GRID2: variants seen among roughly 807,000 people sequenced by gnomAD.
The protein encoded by GRID2 is glutamate ionotropic receptor delta type subunit 2, also known as glutamate receptor ionotropic, delta-2.
A neutral mutation model predicts 114.8 loss-of-function variants in GRID2; 33 were observed. The ratio of observed to expected loss-of-function variants is 0.29; its 90% CI spans 0.22 to 0.38. The LOEUF is 0.38. GRID2 is among the 10% of genes least tolerant of loss of function. GRID2 has a pLI of 1.00. For synonymous variants in GRID2, 505 were observed against 449.9 expected (o/e 1.12, Z -1.55); for missense variants, 1,184 against 1,257.7 (o/e 0.94, Z 0.89).
chr4:92,315,993 C>CAAAAAAAAAAAAAAAAAAAAAAAAAAG (rs778361565), intron 1 of GRID2, among the ~76,000 whole-genome samples: 1 of 61,914 alleles, frequency 1.6e-5, no homozygotes, highest in South Asian at 6.6e-4. Flanking sequence ...AAACAAAAAG[C>CAAAAAAAAAAAAAAAAAAAAAAAAAAG]AAAAAAAAAA....
chr4:92,936,025 TAAAGTA>T (rs1033785027), intron 2 of GRID2, among the ~76,000 whole-genome samples: 55 of 146,596 alleles, frequency 3.8e-4, no homozygotes, highest in African/African-American at 1.3e-3. Context: ...CCCTAAAACT[TAAAGTA>T]TAATAATAAT....
chr4:93,033,750 G>A (rs1724659824), intron 2 of GRID2, among the ~76,000 whole-genome samples: 1 of 151,940 alleles, frequency 6.6e-6, no homozygotes, highest in Non-Finnish European at 1.5e-5. Flanking sequence ...CATTTGAAGA[G>A]GTCTGTTTGT....
At chr4:93,522,087 A>G (rs890646354) in intron 13 of GRID2, among the ~76,000 whole-genome samples, 1 of 152,154 alleles carries the variant, frequency 6.6e-6, no homozygotes, top group African/African-American at 2.4e-5. Flanking sequence ...TGATTAGGAG[A>G]TAAGTTATGG....
chr4:93,612,164 G>C (rs1415019564), intron 13 of GRID2, among the ~76,000 whole-genome samples: 6 of 151,314 alleles, frequency 4.0e-5, no homozygotes, highest in Non-Finnish European at 8.8e-5. Flanking sequence ...CATTGGTTTG[G>C]TAGATCTTCC....
At chr4:92,760,945 T>C (rs999124133) in intron 2 of GRID2, among the ~76,000 whole-genome samples, 1 of 152,136 alleles carries the variant, frequency 6.6e-6, no homozygotes, top group Admixed American at 6.5e-5. Context: ...TATGATGTAA[T>C]AGCCTTTAAG....
intron 14 of GRID2, among the ~76,000 whole-genome samples, chr4:93,629,299 G>T (rs1435479): frequency 0.27 from 41,339 of 151,854 alleles, 6,026 homozygotes; most frequent in East Asian, 0.59. Flanking sequence ...AGTTTAAATT[G>T]TTTCTTTCTG....
chr4:93,045,023 G>T (rs1725992780), intron 2 of GRID2, among the ~76,000 whole-genome samples: 1 of 152,078 alleles, frequency 6.6e-6, no homozygotes, highest in Non-Finnish European at 1.5e-5. Context: ...ACTGTTTCTT[G>T]CATCTAGCTC....
chr4:92,840,264 C>T (rs1377010240), intron 2 of GRID2, among the ~76,000 whole-genome samples: 2 of 151,762 alleles, frequency 1.3e-5, no homozygotes, highest in Non-Finnish European at 2.9e-5. Flanking sequence ...CTTGTTTTTT[C>T]ATCCATTCAA....
At chr4:93,152,743 G>C (rs1450390427) in intron 4 of GRID2, among the ~76,000 whole-genome samples, 1 of 152,068 alleles carries the variant, frequency 6.6e-6, no homozygotes, top group Admixed American at 6.6e-5. Context: ...CAGTAATAAA[G>C]TCTAATCAGA....
At chr4:93,172,455 G>C (rs1424022160) in intron 4 of GRID2, among the ~76,000 whole-genome samples, 1 of 152,012 alleles carries the variant, frequency 6.6e-6, no homozygotes, top group African/African-American at 2.4e-5. Flanking sequence ...AGCCAAGCAT[G>C]GTGGCACGTG....
chr4:93,442,343 T>C (rs1186311239), intron 10 of GRID2, among the ~76,000 whole-genome samples: 3 of 152,042 alleles, frequency 2.0e-5, no homozygotes, highest in Non-Finnish European at 4.4e-5. Flanking sequence ...AAGAAGTCTC[T>C]ACATGACTGG....
chr4:93,351,885 A>T (rs931854643), intron 8 of GRID2, among the ~76,000 whole-genome samples: 12 of 152,046 alleles, frequency 7.9e-5, no homozygotes, highest in African/African-American at 2.9e-4. Context: ...CAAACATGAT[A>T]TAAGCTCCTT....
chr4:93,051,717 T>C (rs999679912), intron 2 of GRID2, among the ~76,000 whole-genome samples: 3 of 151,998 alleles, frequency 2.0e-5, no homozygotes, highest in Admixed American at 6.6e-5. Context: ...AGATCACTAA[T>C]TGATTGAAGT....
intron 1 of GRID2, among the ~76,000 whole-genome samples, chr4:92,426,631 C>T (rs1166518663): frequency 6.6e-6 from 1 of 152,076 alleles, no homozygotes; most frequent in African/African-American, 2.4e-5. Flanking sequence ...TGAAATGCTT[C>T]CCCTTTGGAA....
At chr4:93,284,338 C>T (rs1200411277) in intron 8 of GRID2, among the ~76,000 whole-genome samples, 2 of 151,926 alleles carry the variant, frequency 1.3e-5, no homozygotes, top group African/African-American at 4.8e-5. Flanking sequence ...GATCAACACA[C>T]ATTGGGGCAC....
At chr4:93,095,163 A>C (rs1731092883) in intron 3 of GRID2, among the ~76,000 whole-genome samples, 1 of 151,990 alleles carries the variant, frequency 6.6e-6, no homozygotes, top group Non-Finnish European at 1.5e-5. Flanking sequence ...TCTGGGACAC[A>C]TGTGCAGAAT....
intron 2 of GRID2, among the ~76,000 whole-genome samples, chr4:92,672,049 A>C (rs552114176): frequency 6.6e-6 from 1 of 152,268 alleles, no homozygotes; most frequent in African/African-American, 2.4e-5. Context: ...TTTATTATTT[A>C]AACTTTTTAA....
intron 2 of GRID2, among the ~76,000 whole-genome samples, chr4:92,602,844 A>G (rs190065671): frequency 1.3e-5 from 2 of 152,340 alleles, no homozygotes; most frequent in African/African-American, 4.8e-5. Context: ...CTAATAAGCA[A>G]CTTCAACAAT....
At chr4:93,688,377 C>G (rs558596829) in intron 14 of GRID2, among the ~76,000 whole-genome samples, 1 of 151,910 alleles carries the variant, frequency 6.6e-6, no homozygotes, top group South Asian at 2.1e-4. Context: ...AATTAATTAA[C>G]AATGCTATAT....
Sources: allele counts gnomAD v4.1 joint callset (sites outside exome capture counted in the v4.1 genomes callset), GRCh38; gene constraint gnomAD v4.1.1; transcripts MANE v1.5; gene names NCBI Gene and HGNC (gene_info 2026-07-23, HGNC 2026-07-21).